The following CDC42 variants were observed in gnomAD, a reference collection of about 807,000 sequenced individuals.
CDC42 encodes the protein cell division cycle 42.
A neutral mutation model predicts 20.8 loss-of-function variants in CDC42; 1 was observed. The ratio of observed to expected loss-of-function variants is 0.05; its 90% CI spans 0.02 to 0.23. CDC42 has a LOEUF of 0.23. CDC42 is among the 10% of genes least tolerant of loss of function. The pLI, the probability that CDC42 is intolerant of heterozygous loss-of-function variation, is 1.00. For missense variants in CDC42, 49 were observed against 227.9 expected (o/e 0.21, Z 5.05); for synonymous variants, 72 against 84.8 (o/e 0.85, Z 0.83).
At chr1:22,075,888 A>T (rs1165666015) in intron 1 of CDC42, among the ~76,000 whole-genome samples, 1 of 152,192 alleles carries the variant, frequency 6.6e-6, no homozygotes, top group African/African-American at 2.4e-5. Flanking sequence ...CAGGTCGGGA[A>T]GTCTAAGAAG....
chr1:22,089,786 G>T (rs1645697130), intron 5 of CDC42, among the ~76,000 whole-genome samples: 1 of 152,142 alleles, frequency 6.6e-6, no homozygotes, highest in African/African-American at 2.4e-5. Flanking sequence ...CTACTCTCCT[G>T]GTTATAATGG....
At chr1:22,067,820 G>GCGGA (rs1207392258) in intron 1 of CDC42, among the ~76,000 whole-genome samples, 1 of 152,188 alleles carries the variant, frequency 6.6e-6, no homozygotes, top group Non-Finnish European at 1.5e-5. Flanking sequence ...TCAGGTGTCA[G>GCGGA]CTTATGAATT....
intron 2 of CDC42, among the ~76,000 whole-genome samples, chr1:22,081,065 A>T (rs1053612933): frequency 7.2e-5 from 11 of 152,140 alleles, no homozygotes; most frequent in African/African-American, 2.4e-4. Context: ...GCTACTCAGG[A>T]GGCTGAGGTG....
In CDC42 at chr1:22,085,012, A is replaced by G. The variant is rs190723544; in HGVS notation, c.179-1427A>G. Among the ~76,000 whole-genome samples the G allele has an allele frequency of 4.5e-4, 69 of 152,140 alleles. 1 individual carries two copies. In the East Asian group the frequency reaches 8.3e-3, roughly 18 times the overall value. On this transcript the variant is annotated intron_variant, in intron 3 of 5. Coordinates refer to ENST00000656825, the MANE Select transcript of CDC42 (RefSeq NM_001791.4). ...TTTGGGAGGCTGAGGTGGGCAGATC[A>G]CCTGAGGTCAGAAGTTTAAGACCAG... is the stretch of plus-strand genomic sequence containing the variant.
At chr1:22,055,939 G>A (rs2152825615) in intron 1 of CDC42, among the ~76,000 whole-genome samples, 1 of 150,826 alleles carries the variant, frequency 6.6e-6, no homozygotes, top group Non-Finnish European at 1.5e-5. Context: ...CTTTGAAGGG[G>A]AGAGAGGGTT....
intron 1 of CDC42, among the ~76,000 whole-genome samples, chr1:22,063,195 T>G (rs1645385686): frequency 6.6e-6 from 1 of 152,162 alleles, no homozygotes; most frequent in African/African-American, 2.4e-5. Flanking sequence ...TTTCACATTA[T>G]TTTAGATTAC....
rs1030337560 is a variant in CDC42 at position 22,095,035 on chromosome 1, T to G, written c.*3518T>G. On this transcript the variant is annotated 3_prime_UTR_variant, in exon 6 of 6. Transcript: ENST00000656825. ...ACTTAGTCCTTGCTGGGTACAAATTTAGAAATTTGTTATATAACTGTGGGG... is the reference window on the plus strand; with the variant it reads ...ACTTAGTCCTTGCTGGGTACAAATTGAGAAATTTGTTATATAACTGTGGGG... Among the ~76,000 whole-genome samples, 1 of 152,184 alleles carries G rather than the reference T, an allele frequency of 6.6e-6. No homozygotes were observed. The highest frequency in any genetic ancestry group is 2.4e-5 in the African/African-American group (1 of 41,442).
At chr1:22,089,920 C>G in intron 5 of CDC42, 1 of 1,610,440 alleles carries the variant, frequency 6.2e-7, no homozygotes, top group Non-Finnish European at 8.5e-7. Flanking sequence ...CTGCTATTCT[C>G]TCTCCTCCCC....
rs576093555 is a variant in CDC42, at chr1:22,082,134, T to C, written c.178+340T>C. Among the ~76,000 whole-genome samples, 37 of 152,288 alleles carry C rather than the reference T, an allele frequency of 2.4e-4. No homozygotes were observed. In the South Asian group the frequency reaches 7.7e-3, roughly 32 times the overall value. Reference sequence around the variant, plus strand: ...AGTGGTTGGGGAGGGACTAAGGGAATGAATTCATAGGAATCATGCCCACTG... The same window carrying C: ...AGTGGTTGGGGAGGGACTAAGGGAACGAATTCATAGGAATCATGCCCACTG... On this transcript the variant is annotated intron_variant, in intron 3 of 5. Transcript: ENST00000656825.
rs16826267 is a variant in CDC42, at chr1:22,060,035, C to T, written c.-51+7293C>T. Among the ~76,000 whole-genome samples the T allele has an allele frequency of 2.0e-3, 309 of 152,146 alleles. 2 individuals are homozygous for T. Among genetic ancestry groups the T allele is most frequent in the African/African-American group, 7.1e-3 (294 of 41,506 alleles). ...GTGGCCATTTGAAGCCATCTACGTC[C>T]TTTTCAATTGAAAGATTATCAGTAG... On this transcript the variant is annotated intron_variant, in intron 1 of 5. Coordinates refer to ENST00000656825, the MANE Select transcript of CDC42 (RefSeq NM_001791.4).
At chr1:22,058,499 T>TC (rs397825213) in intron 1 of CDC42, among the ~76,000 whole-genome samples, 8 of 151,850 alleles carry the variant, frequency 5.3e-5, no homozygotes, top group African/African-American at 1.7e-4. Context: ...TTTTTTTTTT[T>TC]GAGATGGAGT....
intron 1 of CDC42, among the ~76,000 whole-genome samples, chr1:22,061,999 C>A (rs774143693): frequency 6.6e-6 from 1 of 152,014 alleles, no homozygotes; most frequent in African/African-American, 2.4e-5. Context: ...AGTGCAGTGG[C>A]GTGATCTTGG....
At chr1:22,091,275 T>G (rs767360725) in intron 5 of CDC42, among the ~76,000 whole-genome samples, 153 bp from the exon 6 acceptor site, 1 of 152,192 alleles carries the variant, frequency 6.6e-6, no homozygotes, top group Non-Finnish European at 1.5e-5. Context: ...TGGACAAATC[T>G]TGGTGAAGTG....
Position 22,097,539 on chromosome 1 carries a change from G to A in CDC42, c.*6022G>A, listed in dbSNP as rs954152259. On this transcript the variant is annotated 3_prime_UTR_variant, in exon 6 of 6. Transcript: ENST00000656825. ...TTATAGGCGTGAGCCACTGCGCCCG[G>A]CCTGAAATGTGTATTCTTAAGTCCG... Among the ~76,000 whole-genome samples the A allele has an allele frequency of 6.6e-6, 1 of 152,216 alleles. No individual in the cohort carries two copies. The highest frequency in any genetic ancestry group is 6.5e-5 in the Admixed American group (1 of 15,290).
chr1:22,082,538 C>T (rs1645618996), intron 3 of CDC42, among the ~76,000 whole-genome samples: 1 of 152,162 alleles, frequency 6.6e-6, no homozygotes, highest in South Asian at 2.1e-4. Flanking sequence ...ATTATCAGCT[C>T]AGTTAGCCAG....
chr1:22,084,009 C>G (rs1195693948), intron 3 of CDC42, among the ~76,000 whole-genome samples: 1 of 152,138 alleles, frequency 6.6e-6, no homozygotes, highest in Non-Finnish European at 1.5e-5. Flanking sequence ...TTATTCTGTT[C>G]TATGAATATA....
rs1363010330 is a variant in CDC42 at position 22,098,135 on chromosome 1, T to C, written c.*6618T>C. Among the ~76,000 whole-genome samples the C allele has an allele frequency of 1.3e-5, 2 of 152,226 alleles. No homozygotes were observed. The highest frequency in any genetic ancestry group is 2.4e-5 in the African/African-American group (1 of 41,466). ...CCCTGTAGGATTTACTCTCAATCTT[T>C]AGGGGTAGAGACTAGGAGCCTACAT... On this transcript the variant is annotated 3_prime_UTR_variant, in exon 6 of 6. Transcript: ENST00000656825.
At chr1:22,073,922 A>C (rs1645520571) in intron 1 of CDC42, among the ~76,000 whole-genome samples, 1 of 152,050 alleles carries the variant, frequency 6.6e-6, no homozygotes, top group Non-Finnish European at 1.5e-5. Flanking sequence ...AAGTGCTGGG[A>C]TTACAGGTGT....
chr1:22,086,417 C>T, intron 3 of CDC42, 22 bp from the exon 4 acceptor site: 1 of 1,513,142 alleles, frequency 6.6e-7, no homozygotes. Context: ...TGAATTCTCT[C>T]CAATATTTTT....
Sources: allele counts gnomAD v4.1 joint callset (sites outside exome capture counted in the v4.1 genomes callset), GRCh38; gene constraint gnomAD v4.1.1; transcripts MANE v1.5; gene names NCBI Gene and HGNC (gene_info 2026-07-23, HGNC 2026-07-21).